ERVK3-1: variants seen among roughly 807,000 people sequenced by gnomAD.
The protein encoded by ERVK3-1 is endogenous retrovirus group K3 member 1, also known as HERV-K(HML6-1).
Position 58,309,065 on chromosome 19 carries a change from C to G in ERVK3-1, c.-4+2849C>G, listed in dbSNP as rs201659300. 3.9e-5 allele frequency: 6 copies of G among 152,166 alleles called. No individual in the cohort carries two copies. The East Asian group carries it at 1.2e-3, about 29-fold the overall frequency. The allele number at this position is 152,166 out of a possible 1,614,324, so 9.4% of individuals were successfully genotyped here. On this transcript the variant is annotated intron_variant, in intron 2 of 3. Transcript: ENST00000413518. The stretch of plus-strand genomic sequence containing the variant: ...TACACAAGAAGGACAAGCCTCAATT[C>G]GCCTTCTCTGTGCCTTCTATTAATC...
intron 2 of ERVK3-1, chr19:58,309,323 A>G (rs984425154): frequency 6.6e-6 from 1 of 152,232 alleles, no homozygotes; most frequent in Non-Finnish European, 1.5e-5. Flanking sequence ...ATGGAATCTC[A>G]AAATAGCTCC....
downstream of ERVK3-1, among the ~76,000 whole-genome samples, chr19:58,316,656 C>G (rs906230387): frequency 6.6e-6 from 1 of 152,246 alleles, no homozygotes; most frequent in Non-Finnish European, 1.5e-5. Flanking sequence ...GGGCAACGAG[C>G]GAAACTCTGT....
exon 1 of ERVK3-1, chr19:58,305,438 C>G (rs1488687333): frequency 6.6e-6 from 1 of 152,476 alleles, no homozygotes; most frequent in Non-Finnish European, 1.5e-5. Flanking sequence ...GAGGAGGCTG[C>G]CACAGTGGTG....
At chr19:58,307,746 C>T (rs529551739) in intron 2 of ERVK3-1, among the ~76,000 whole-genome samples, 1 of 149,228 alleles carries the variant, frequency 6.7e-6, no homozygotes, top group African/African-American at 2.6e-5. Context: ...ACCCCGCTCT[C>T]AGGAAATGAG....
chr19:58,315,882 C>T (rs145474424), downstream of ERVK3-1, among the ~76,000 whole-genome samples: 1 of 152,312 alleles, frequency 6.6e-6, no homozygotes, highest in East Asian at 1.9e-4. Flanking sequence ...CCTAGAGCCA[C>T]ACTGATGTGT....
chr19:58,316,085 G>A (rs1016312610), downstream of ERVK3-1, among the ~76,000 whole-genome samples: 15 of 152,120 alleles, frequency 9.9e-5, no homozygotes, highest in Non-Finnish European at 2.9e-5. Flanking sequence ...TAGATGGTGG[G>A]GTGGCAGTCA....
chr19:58,307,613 C>A (rs74258238), intron 2 of ERVK3-1, among the ~76,000 whole-genome samples: 3 of 149,376 alleles, frequency 2.0e-5, no homozygotes, highest in Non-Finnish European at 2.9e-5. Context: ...TACCGCCCCC[C>A]CCTCCCCGCC....
At chr19:58,315,563 A>C (rs186143525) in exon 4 of ERVK3-1, 113 of 152,296 alleles carry the variant, frequency 7.4e-4, no homozygotes, top group Admixed American at 1.8e-3. Flanking sequence ...CATTGTATGG[A>C]TATACCACAG....
chr19:58,309,520 C>A (rs1050393052), intron 2 of ERVK3-1: 1 of 152,198 alleles, frequency 6.6e-6, no homozygotes. Flanking sequence ...TTTATCAAAC[C>A]CTCCAAGGAG....
chr19:58,315,895 G>T (rs1300167454), downstream of ERVK3-1, among the ~76,000 whole-genome samples: 1 of 152,188 alleles, frequency 6.6e-6, no homozygotes, highest in Non-Finnish European at 1.5e-5. Flanking sequence ...TGATGTGTAG[G>T]ATCAAAGAGA....
chr19:58,312,011 G>T lies in ERVK3-1; in HGVS notation c.-3-155G>T. 1.5e-5 allele frequency: 6 copies of T among 396,404 alleles called. No individual in the cohort carries two copies. The highest frequency in any genetic ancestry group is 1.8e-5 in the Non-Finnish European group (4 of 225,184). The allele number at this position is 396,404 out of a possible 1,614,324, so 24.6% of individuals were successfully genotyped here. A position where few individuals can be genotyped will look rare whatever the true frequency, so the allele number is the denominator to read the frequency against. ...CTTTAAATTGTTTGACTCCTGGTAC[G>T]GATGGCAAGACCCCAGCAGAACGAC... is the stretch of plus-strand genomic sequence containing the variant. On this transcript the variant is annotated intron_variant, in intron 2 of 3. Coordinates refer to ENST00000413518, the Ensembl canonical transcript of ERVK3-1. This position sits in a 1 kb window ranked among gnomAD's most constrained non-coding sequence, Gnocchi z 4.7.
intron 2 of ERVK3-1, chr19:58,309,740 CCAGT>C (rs2051545206): frequency 6.6e-6 from 1 of 152,130 alleles, no homozygotes; most frequent in Non-Finnish European, 1.5e-5. Flanking sequence ...CTTTTTTTAT[CCAGT>C]CAAACAGTAA....
At chr19:58,314,423 G>A (rs940816940) in intron 3 of ERVK3-1, among the ~76,000 whole-genome samples, 146 of 151,970 alleles carry the variant, frequency 9.6e-4, no homozygotes, top group African/African-American at 3.4e-3. Context: ...TCAGAAGATC[G>A]AGACCATCCT....
At chr19:58,306,636 T>C (rs916837629) in intron 2 of ERVK3-1, 2 of 152,134 alleles carry the variant, frequency 1.3e-5, no homozygotes, top group Non-Finnish European at 2.9e-5. Context: ...TTGAAAATGA[T>C]AAACAGGAGA....
At chr19:58,311,948 A>G (rs1402902767) in intron 2 of ERVK3-1, 1 of 367,948 alleles carries the variant, frequency 2.7e-6, no homozygotes, top group Non-Finnish European at 4.8e-6. Flanking sequence ...TAGGGGACCA[A>G]TTACCACTTC....
In ERVK3-1 at chr19:58,312,100, A is replaced by G. The variant is rs2051560010; in HGVS notation, c.-3-66A>G. The G allele has an allele frequency of 2.5e-6, 1 of 399,638 alleles. No individual in the cohort carries two copies. Among genetic ancestry groups the G allele is most frequent in the Non-Finnish European group, 4.4e-6 (1 of 226,074 alleles). The allele number at this position is 399,638 out of a possible 1,614,324, so 24.8% of individuals were successfully genotyped here. On this transcript the variant is annotated intron_variant, in intron 2 of 3. Transcript: ENST00000413518. This position sits in a 1 kb window ranked among gnomAD's most constrained non-coding sequence, Gnocchi z 4.7. ...AAAGTGTTATGGAAATCCCCAGAAG[A>G]AGGACAATGGAAAGGTCCGGTGGAT...
At chr19:58,306,407 A>C (rs192745547) in intron 2 of ERVK3-1, 191 bp downstream of exon 2, 4 of 152,228 alleles carry the variant, frequency 2.6e-5, no homozygotes, top group African/African-American at 9.6e-5. Context: ...TGGTTTCTGC[A>C]GACAGGTACT....
At chr19:58,309,873 A>G (rs1286762782) in intron 2 of ERVK3-1, 1 of 152,214 alleles carries the variant, frequency 6.6e-6, no homozygotes, top group East Asian at 1.9e-4. Flanking sequence ...ATTCCCAACA[A>G]CAGGCTGCGG....
intron 2 of ERVK3-1, chr19:58,309,891 G>C (rs2147969700): frequency 6.6e-6 from 1 of 152,346 alleles, no homozygotes; most frequent in East Asian, 1.9e-4. Flanking sequence ...CGGCCTGGGA[G>C]ATGTCCACTG....
Sources: allele counts gnomAD v4.1 joint callset (sites outside exome capture counted in the v4.1 genomes callset), GRCh38; gene constraint gnomAD v4.1.1; non-coding constraint Gnocchi (gnomAD v3.1); transcripts MANE v1.5; gene names NCBI Gene and HGNC (gene_info 2026-07-23, HGNC 2026-07-21).